The following FANCM variants were observed in gnomAD, a reference collection of about 807,000 sequenced individuals.
FANCM encodes FA complementation group M, also known as Fanconi anemia group M protein.
Under a neutral mutation model 199.5 loss-of-function variants are expected in FANCM, and 140 were observed. The observed-to-expected ratio is 0.70, with a 90% confidence interval of 0.61 to 0.81. The LOEUF (loss-of-function observed/expected upper bound fraction) is 0.81, where lower values mean the gene tolerates loss of function less well. Ranked by LOEUF, FANCM falls within the 30% of genes least tolerant of loss-of-function variation. FANCM has a pLI of 0.00. For missense variants in FANCM, 2,410 were observed against 2,421.4 expected (o/e 1.00, Z 0.10); for synonymous variants, 840 against 836.8 (o/e 1.00, Z -0.07).
At position 45,147,463 on chromosome 14, in the gene FANCM, TG is replaced by T. The variant is rs1228545021; in HGVS notation, c.760-1373del. Among the ~76,000 whole-genome samples, 15 of 152,186 alleles carry T rather than the reference TG, an allele frequency of 9.9e-5. 1 individual carries two copies. In the East Asian group the frequency reaches 2.7e-3, roughly 27 times the overall value. On this transcript the variant is annotated intron_variant, in intron 3 of 22. Transcript: ENST00000267430. The stretch of plus-strand genomic sequence containing the variant: ...CTTCGCCAGCAATTGTCATTTTTTT[TG>T]TAGATATGGGGTCTCACTATGTTGC...
chr14:45,184,986 TAGTC>T (rs1310071094), intron 17 of FANCM, among the ~76,000 whole-genome samples: 1 of 151,824 alleles, frequency 6.6e-6, no homozygotes, highest in Non-Finnish European at 1.5e-5. Context: ...TTCACCATGT[TAGTC>T]AGGCTGGCCT....
chr14:45,151,444 G>T lies in FANCM; in HGVS notation c.966G>T (p.Met322Ile). 1 of 1,613,164 alleles carries T rather than the reference G, an allele frequency of 6.2e-7. No individual in the cohort carries two copies. Residue 322 changes from methionine to isoleucine, a missense_variant, in exon 5 of 23, where the codon ATG (methionine) becomes ATT (isoleucine). Met to Ile is a conservative substitution (Grantham distance 10). Transcript: ENST00000267430. ...CTTTGATTCAGAGGAATGTTTTGAT[G>T]AGAAGGGATATCCCAAATCTAACAA... ...ARSLIQRNVL[M>I]RRDIPNLTKY... is the part of the protein sequence containing the mutation.
At chr14:45,167,254 T>G (rs993530081) in intron 11 of FANCM, 91 bp downstream of exon 11, 9 of 771,076 alleles carry the variant, frequency 1.2e-5, no homozygotes, top group Non-Finnish European at 1.8e-5. Flanking sequence ...TTTGAAAAAC[T>G]GAATATATGT....
intron 18 of FANCM, among the ~76,000 whole-genome samples, chr14:45,187,311 C>T (rs1454222727): frequency 6.8e-6 from 1 of 147,994 alleles, no homozygotes; most frequent in Admixed American, 6.7e-5. Context: ...AAAATGCTAG[C>T]CATAAAAAAA....
chr14:45,166,026 C>G (rs1015099962), intron 10 of FANCM, among the ~76,000 whole-genome samples: 2 of 151,984 alleles, frequency 1.3e-5, no homozygotes, highest in African/African-American at 4.8e-5. Context: ...ATGTAAATAT[C>G]AGTCTTTTTT....
At chr14:45,170,542 T>C (rs1888269805) in intron 11 of FANCM, 47 bp from the exon 12 acceptor site, 1 of 1,432,428 alleles carries the variant, frequency 7.0e-7, no homozygotes, top group Non-Finnish European at 9.7e-7. Flanking sequence ...TTTTTTGCTT[T>C]GCAGATTTTT....
In FANCM at chr14:45,162,124, G is replaced by A. The variant is rs138562903; in HGVS notation, c.1582-2235G>A. On this transcript the variant is annotated intron_variant, in intron 9 of 22. Coordinates refer to ENST00000267430, the MANE Select transcript of FANCM (RefSeq NM_020937.4). ...GGAAAGGCCAGGTGTGGTGGCTCACGCCTATATTCCTAACACTTTGGGAGG... is the reference window on the plus strand; with the variant it reads ...GGAAAGGCCAGGTGTGGTGGCTCACACCTATATTCCTAACACTTTGGGAGG... 3.5e-3 allele frequency among the ~76,000 whole-genome samples: 529 copies of A among 152,300 alleles called. 8 individuals carry two copies. The highest frequency in any genetic ancestry group is 0.012 in the African/African-American group (506 of 41,576).
chr14:45,174,852 G>C (rs1465814199), intron 13 of FANCM, among the ~76,000 whole-genome samples: 1 of 151,816 alleles, frequency 6.6e-6, no homozygotes, highest in Non-Finnish European at 1.5e-5. Flanking sequence ...TAAGTACTGG[G>C]GATACAAAAA....
intron 12 of FANCM, among the ~76,000 whole-genome samples, chr14:45,171,277 A>G (rs1888323832): frequency 6.6e-6 from 1 of 151,826 alleles, no homozygotes; most frequent in Non-Finnish European, 1.5e-5. Context: ...TAGCTTTTTC[A>G]GTATTTTACT....
Position 45,151,474 on chromosome 14 carries a change from T to C in FANCM, c.996T>C (p.Tyr332=), listed in dbSNP as rs752677621. 1.7e-5 allele frequency: 28 copies of C among 1,612,146 alleles called. No homozygotes were observed. In the East Asian group the frequency reaches 3.3e-4, roughly 19 times the overall value. Residue 332 remains tyrosine, a synonymous_variant, in exon 5 of 23, where the codon TAT becomes TAC. Transcript: ENST00000267430. The part of the protein sequence containing the change: ...MRRDIPNLTK[Y]QIILARDQFR... ...GGGATATCCCAAATCTAACAAAATA[T>C]CAGATAATTCTGGCAAGAGATCAGT...
chr14:45,141,286 TCAAAAAAAA>T (rs1231413769), intron 3 of FANCM, among the ~76,000 whole-genome samples: 1 of 63,400 alleles, frequency 1.6e-5, no homozygotes, highest in African/African-American at 7.6e-5. Flanking sequence ...AGGCTCCGTC[TCAAAAAAAA>T]AAAAAAAAAA....
intron 8 of FANCM, among the ~76,000 whole-genome samples, chr14:45,156,622 T>C (rs535434726): frequency 6.6e-6 from 1 of 151,956 alleles, no homozygotes; most frequent in African/African-American, 2.4e-5. Flanking sequence ...ACGTATGGTA[T>C]AAGAAAAAGG....
intron 18 of FANCM, among the ~76,000 whole-genome samples, 155 bp from the exon 19 acceptor site, chr14:45,187,626 T>C (rs1276476761): frequency 6.6e-6 from 1 of 152,226 alleles, no homozygotes; most frequent in Admixed American, 6.5e-5. Context: ...TTTTGAATAA[T>C]TGTTTATAGA....
chr14:45,136,588 C>G, intron 1 of FANCM, 49 bp downstream of exon 1: 1 of 1,569,018 alleles, frequency 6.4e-7, no homozygotes, highest in Non-Finnish European at 8.7e-7. Flanking sequence ...AATTCCTGAC[C>G]CATGTGGAAT....
intron 5 of FANCM, 50 bp from the exon 6 acceptor site, chr14:45,153,870 G>C (rs1439356538): frequency 1.3e-6 from 2 of 1,492,862 alleles, no homozygotes; most frequent in Non-Finnish European, 1.9e-6. Context: ...CATGGAGCAT[G>C]TATGTTCATT....
rs761715673 is a variant in FANCM, at chr14:45,176,753, A to G, written c.3999A>G (p.Gln1333=). The stretch of plus-strand genomic sequence containing the variant: ...ATTCTCAGTTTTCTTTACCAGTGCA[A>G]AAAAAAGTTATGAGTACACCACTCT... ...PGYSQFSLPV[Q]KKVMSTPLSK... Residue 1333 remains glutamine, a synonymous_variant, in exon 14 of 23, where the codon CAA becomes CAG. Coordinates refer to ENST00000267430, the MANE Select transcript of FANCM (RefSeq NM_020937.4). The G allele has an allele frequency of 6.2e-7, 1 of 1,612,592 alleles. No individual in the cohort carries two copies. The highest frequency in any genetic ancestry group is 1.3e-5 in the African/African-American group (1 of 74,848).
At chr14:45,184,495 C>T (rs770128540) in intron 17 of FANCM, among the ~76,000 whole-genome samples, 3 of 151,724 alleles carry the variant, frequency 2.0e-5, no homozygotes, top group Non-Finnish European at 4.4e-5. Flanking sequence ...AACCCTGTCT[C>T]TACTAAAAAT....
At chr14:45,192,047 A>T (rs1446823431) in intron 20 of FANCM, among the ~76,000 whole-genome samples, 1 of 152,038 alleles carries the variant, frequency 6.6e-6, no homozygotes, top group African/African-American at 2.4e-5. Context: ...CATTTTTAAA[A>T]ATTAAATATT....
chr14:45,139,893 G>A (rs993178480), intron 2 of FANCM, among the ~76,000 whole-genome samples: 1 of 152,060 alleles, frequency 6.6e-6, no homozygotes, highest in Non-Finnish European at 1.5e-5. Context: ...GCCAAGGCAG[G>A]AGGATCACTT....
Sources: allele counts gnomAD v4.1 joint callset (sites outside exome capture counted in the v4.1 genomes callset), GRCh38; gene constraint gnomAD v4.1.1; transcripts MANE v1.5; gene names NCBI Gene and HGNC (gene_info 2026-07-23, HGNC 2026-07-21).